WDR25: variants seen among roughly 807,000 people sequenced by gnomAD.
WDR25 encodes WD repeat domain 25, also known as WD repeat-containing protein 25.
Under a neutral mutation model 47.7 loss-of-function variants are expected in WDR25, and 35 were observed. The ratio of observed to expected loss-of-function variants is 0.73; its 90% confidence interval spans 0.56 to 0.97. The LOEUF (loss-of-function observed/expected upper bound fraction) is 0.97, where lower values mean the gene tolerates loss of function less well. WDR25 is among the 50% of genes least tolerant of loss of function. The pLI is 0.00. For missense variants in WDR25, 634 were observed against 704.7 expected (o/e 0.90, Z 1.14); for synonymous variants, 248 against 278.9 (o/e 0.89, Z 1.10).
chr14:100,450,296 C>T (rs1898982786), intron 2 of WDR25, among the ~76,000 whole-genome samples: 1 of 152,102 alleles, frequency 6.6e-6, no homozygotes, highest in African/African-American at 2.4e-5. Flanking sequence ...TTGCTCAGGC[C>T]CTCCCCACCT....
intron 2 of WDR25, among the ~76,000 whole-genome samples, chr14:100,431,908 C>A (rs1300641441): frequency 6.6e-6 from 1 of 152,098 alleles, no homozygotes; most frequent in Non-Finnish European, 1.5e-5. Flanking sequence ...TGGGGTTTCA[C>A]CAGATTGATC....
intron 2 of WDR25, among the ~76,000 whole-genome samples, chr14:100,423,327 C>T (rs1898078478): frequency 1.3e-5 from 2 of 152,170 alleles, no homozygotes; most frequent in South Asian, 4.1e-4. Flanking sequence ...AGGATGGAAG[C>T]TGTCGGTGGT....
intron 2 of WDR25, among the ~76,000 whole-genome samples, chr14:100,421,322 C>G (rs1214858720): frequency 6.6e-6 from 1 of 152,126 alleles, no homozygotes; most frequent in African/African-American, 2.4e-5. Flanking sequence ...TATTGGTCCC[C>G]CAGTCAGTCT....
chr14:100,376,925 T>G (rs968206500), intron 1 of WDR25: 18 of 294,050 alleles, frequency 6.1e-5, no homozygotes, highest in Non-Finnish European at 8.2e-5. Flanking sequence ...GGGCATTGAA[T>G]AGTGAACAAA....
intron 2 of WDR25, among the ~76,000 whole-genome samples, chr14:100,446,101 T>C (rs1898823871): frequency 6.6e-6 from 1 of 152,160 alleles, no homozygotes; most frequent in South Asian, 2.1e-4. Context: ...GTGCTCCACC[T>C]TCCTCCTGGC....
At chr14:100,527,969 C>T (rs913797207) in intron 5 of WDR25, among the ~76,000 whole-genome samples, 10 of 151,666 alleles carry the variant, frequency 6.6e-5, no homozygotes, top group African/African-American at 1.7e-4. Context: ...AGTGAGATCT[C>T]GCGCCCCCTG....
At position 100,409,659 on chromosome 14, in the gene WDR25, T is replaced by C. The variant is rs112071066; in HGVS notation, c.822+27913T>C. On this transcript the variant is annotated intron_variant, in intron 2 of 6. Coordinates refer to ENST00000402312, the MANE Select transcript of WDR25 (RefSeq NM_001161476.3). ...TGATGTATTAGAACATGGAGTAACTTTCTACAGGAAATTGGAACAGGGATC... is the reference window on the plus strand; with the variant it reads ...TGATGTATTAGAACATGGAGTAACTCTCTACAGGAAATTGGAACAGGGATC... Among the ~76,000 whole-genome samples, 531 of 152,328 alleles carry C rather than the reference T, an allele frequency of 3.5e-3. 7 individuals are homozygous for C. Among genetic ancestry groups the C allele is most frequent in the African/African-American group, 0.012 (515 of 41,574 alleles).
intron 2 of WDR25, among the ~76,000 whole-genome samples, chr14:100,435,294 G>A (rs761044876): frequency 4.6e-5 from 7 of 152,188 alleles, no homozygotes; most frequent in Non-Finnish European, 1.0e-4. Flanking sequence ...AGCAGGGCTC[G>A]CATCACCCTG....
intron 2 of WDR25, among the ~76,000 whole-genome samples, chr14:100,420,703 G>C (rs1227178118): frequency 6.6e-6 from 1 of 152,206 alleles, no homozygotes; most frequent in African/African-American, 2.4e-5. Flanking sequence ...ATGCCCAGCT[G>C]TCCCATGATG....
In WDR25 at chr14:100,392,366, C is replaced by T. The variant is rs933843741; in HGVS notation, c.822+10620C>T. Among the ~76,000 whole-genome samples, 1 of 151,680 alleles carries T rather than the reference C, an allele frequency of 6.6e-6. No homozygotes were observed. The highest frequency in any genetic ancestry group is 2.4e-5 in the African/African-American group (1 of 41,276). The stretch of plus-strand genomic sequence containing the variant: ...TCTTTTCCAGCCACGTCTCTGTCTT[C>T]TTCTGCTTGGTTAGCTCTCCAAACT... On this transcript the variant is annotated intron_variant, in intron 2 of 6. Coordinates refer to ENST00000402312, the MANE Select transcript of WDR25 (RefSeq NM_001161476.3). The surrounding 1 kb of genome is among the most constrained non-coding windows in gnomAD (Gnocchi z 4.2).
At chr14:100,492,101 A>T (rs1021178807) in intron 4 of WDR25, among the ~76,000 whole-genome samples, 1 of 152,232 alleles carries the variant, frequency 6.6e-6, no homozygotes, top group Non-Finnish European at 1.5e-5. Context: ...GTCCCAGGGC[A>T]TGGGGCAACA....
chr14:100,464,957 T>C (rs1200703027), intron 2 of WDR25, among the ~76,000 whole-genome samples: 1 of 147,628 alleles, frequency 6.8e-6, no homozygotes, highest in East Asian at 2.0e-4. Flanking sequence ...CCATCTCCTC[T>C]CCCCTACCCC....
chr14:100,500,910 C>A lies in WDR25; in HGVS notation c.1101+16786C>A, dbSNP rs139120680. On this transcript the variant is annotated intron_variant, in intron 4 of 6. Coordinates refer to ENST00000402312, the MANE Select transcript of WDR25 (RefSeq NM_001161476.3). This position sits in a 1 kb window ranked among gnomAD's most constrained non-coding sequence, Gnocchi z 4.7. ...ATACATGTGTAATTGTCTATTTCTG[C>A]TTTTCTTCCTTTCCCATGTGTTTTG... Among the ~76,000 whole-genome samples the A allele has an allele frequency of 4.9e-3, 754 of 152,328 alleles. 19 individuals are homozygous for A. Among genetic ancestry groups the A allele is most frequent in the Admixed American group, 0.039 (604 of 15,298 alleles).
chr14:100,378,711 C>G lies in WDR25; in HGVS notation c.-15-2199C>G, dbSNP rs1171146085. On this transcript the variant is annotated intron_variant, in intron 1 of 6. Transcript: ENST00000402312. ...CGGTGGCTCACGCCTGTAATCCCAGCACTTTGGGAGGCCGAGGCGGGCGGA... is the reference window on the plus strand; with the variant it reads ...CGGTGGCTCACGCCTGTAATCCCAGGACTTTGGGAGGCCGAGGCGGGCGGA... 1.6e-4 allele frequency among the ~76,000 whole-genome samples: 4 copies of G among 25,356 alleles called. 2 individuals are homozygous for G. The highest frequency in any genetic ancestry group is 9.0e-4 in the Non-Finnish European group (4 of 4,446). The allele number at this position is 25,356 out of a possible 152,430, so 16.6% of individuals were successfully genotyped here. A position where few individuals can be genotyped will look rare whatever the true frequency, so the allele number is the denominator to read the frequency against.
chr14:100,401,210 C>G (rs1191466446), intron 2 of WDR25, among the ~76,000 whole-genome samples: 1 of 152,198 alleles, frequency 6.6e-6, no homozygotes, highest in Admixed American at 6.5e-5. Flanking sequence ...GAGACCTCCC[C>G]CTCCCCGTGG....
At chr14:100,491,144 C>T (rs766851489) in intron 4 of WDR25, among the ~76,000 whole-genome samples, 5 of 152,226 alleles carry the variant, frequency 3.3e-5, no homozygotes, top group Non-Finnish European at 7.3e-5. Flanking sequence ...ACGCTGTGCA[C>T]GCTGTGTGCG....
chr14:100,387,561 G>C (rs1429642699), intron 2 of WDR25, among the ~76,000 whole-genome samples: 1 of 152,176 alleles, frequency 6.6e-6, no homozygotes, highest in Non-Finnish European at 1.5e-5. Context: ...CATGTACTAG[G>C]CATGTTCTAA....
rs182779771 is a variant in WDR25, at chr14:100,509,197, G to T, written c.1102-16673G>T. Among the ~76,000 whole-genome samples the T allele has an allele frequency of 5.6e-4, 85 of 152,202 alleles. 1 individual carries two copies. Among genetic ancestry groups the T allele is most frequent in the African/African-American group, 1.9e-3 (79 of 41,554 alleles). ...TAGAATTCAGCAGTGAAGACATCTGGACACAAGACTTTCTTTGTAGGTAGA... is the reference window on the plus strand; with the variant it reads ...TAGAATTCAGCAGTGAAGACATCTGTACACAAGACTTTCTTTGTAGGTAGA... On this transcript the variant is annotated intron_variant, in intron 4 of 6. Transcript: ENST00000402312.
rs1900468760 is a variant in WDR25 at position 100,488,798 on chromosome 14, CATCTGTGACCT to C, written c.1101+4679_1101+4689del. On this transcript the variant is annotated intron_variant, in intron 4 of 6. Transcript: ENST00000402312. This position sits in a 1 kb window ranked among gnomAD's most constrained non-coding sequence, Gnocchi z 4.2. ...AACCTTATCCTCAATTAGCCTGCACCATCTGTGACCTATCTCAGGGACAACGATCACTCTTG... is the reference window on the plus strand; with the variant it reads ...AACCTTATCCTCAATTAGCCTGCACCATCTCAGGGACAACGATCACTCTTG... Among the ~76,000 whole-genome samples the C allele has an allele frequency of 6.6e-6, 1 of 152,214 alleles. No homozygotes were observed. The highest frequency in any genetic ancestry group is 6.5e-5 in the Admixed American group (1 of 15,282).
Sources: allele counts gnomAD v4.1 joint callset (sites outside exome capture counted in the v4.1 genomes callset), GRCh38; gene constraint gnomAD v4.1.1; non-coding constraint Gnocchi (gnomAD v3.1); transcripts MANE v1.5; gene names NCBI Gene and HGNC (gene_info 2026-07-23, HGNC 2026-07-21).